Variants in PLCG2 observed in about 807,000 individuals in gnomAD.
The protein encoded by PLCG2 is phospholipase C gamma 2, also known as 1-phosphatidylinositol 4,5-bisphosphate phosphodiesterase gamma-2.
In PLCG2, 69 loss-of-function variants were observed where a neutral mutation model predicts 175.6. That is an observed-to-expected ratio of 0.39 (90% CI 0.32 to 0.48). The LOEUF (loss-of-function observed/expected upper bound fraction) is 0.48. Among genes scored for constraint, PLCG2 ranks in the 20% least tolerant of loss-of-function variants. The probability of loss-of-function intolerance (pLI) is 0.91; values close to 1 mark genes in which losing one functional copy is unlikely to be tolerated. For missense variants in PLCG2, 1,798 were observed against 1,650.9 expected (o/e 1.09, Z -1.54); for synonymous variants, 827 against 624.0 (o/e 1.33, Z -4.85).
intron 11 of PLCG2, among the ~76,000 whole-genome samples, chr16:81,891,795 C>A (rs1202917223): frequency 6.6e-6 from 1 of 152,190 alleles, no homozygotes; most frequent in Non-Finnish European, 1.5e-5. Flanking sequence ...TAATAATAAT[C>A]TCTTTTCTGT....
intron 2 of PLCG2, among the ~76,000 whole-genome samples, chr16:81,817,154 A>G (rs1235765117): frequency 4.6e-5 from 7 of 152,198 alleles, no homozygotes; most frequent in Admixed American, 6.5e-5. Context: ...AAGTCAGCAC[A>G]AGGGACAGGA....
At chr16:81,826,189 C>T (rs567586858) in intron 2 of PLCG2, among the ~76,000 whole-genome samples, 23 of 152,314 alleles carry the variant, frequency 1.5e-4, no homozygotes, top group East Asian at 3.9e-4. Flanking sequence ...GAGTCCTCCT[C>T]GGCCCCTTTG....
At chr16:81,843,052 G>A (rs889863526) in intron 2 of PLCG2, among the ~76,000 whole-genome samples, 1 of 151,900 alleles carries the variant, frequency 6.6e-6, no homozygotes, top group Non-Finnish European at 1.5e-5. Flanking sequence ...GTGGGGTTGT[G>A]CAAAGATGAA....
At chr16:81,848,703 C>G (rs551897355) in intron 2 of PLCG2, among the ~76,000 whole-genome samples, 4 of 152,168 alleles carry the variant, frequency 2.6e-5, no homozygotes, top group African/African-American at 4.8e-5. Flanking sequence ...CCAAGAACTA[C>G]TTATTGGGCC....
chr16:81,754,857 C>A (rs1909889586), intron 1 of PLCG2, among the ~76,000 whole-genome samples: 1 of 152,138 alleles, frequency 6.6e-6, no homozygotes. Flanking sequence ...CTTTAGTTAT[C>A]ATTATTATCT....
chr16:81,885,137 C>T (rs752503018), intron 9 of PLCG2, among the ~76,000 whole-genome samples: 18 of 151,840 alleles, frequency 1.2e-4, no homozygotes, highest in Non-Finnish European at 2.5e-4. Context: ...AGTGATTCTC[C>T]TGCCTCAGCC....
intron 31 of PLCG2, among the ~76,000 whole-genome samples, chr16:81,953,306 G>A (rs1023224546): frequency 2.6e-5 from 4 of 152,114 alleles, no homozygotes; most frequent in Admixed American, 6.5e-5. Context: ...GTATTGCACC[G>A]ATATTAATTT....
intron 2 of PLCG2, among the ~76,000 whole-genome samples, chr16:81,802,366 C>T (rs1324598966): frequency 4.6e-5 from 7 of 151,940 alleles, no homozygotes; most frequent in Non-Finnish European, 1.0e-4. Flanking sequence ...CCCGCCTCGG[C>T]CTCCCAAAGT....
chr16:81,834,591 A>AGCTGCTGCTGCTGCTGCT (rs112113666), intron 2 of PLCG2, among the ~76,000 whole-genome samples: 3,899 of 151,334 alleles, frequency 0.026, 167 homozygotes, highest in African/African-American at 0.07. Context: ...GGATCTGCAG[A>AGCTGCTGCTGCTGCTGCT]GCTGCTGCTG....
chr16:81,782,720 A>G (rs975817918), intron 1 of PLCG2, among the ~76,000 whole-genome samples: 1 of 152,386 alleles, frequency 6.6e-6, no homozygotes, highest in South Asian at 2.1e-4. Context: ...GTGCATGTTA[A>G]GCCAGTACAG....
chr16:81,960,131 A>T lies in PLCG2; in HGVS notation c.*2133A>T, dbSNP rs902362377. The T allele has an allele frequency of 3.2e-5, 7 of 219,986 alleles. No homozygotes were observed. Among genetic ancestry groups the T allele is most frequent in the Non-Finnish European group, 5.5e-5 (6 of 109,826 alleles). 13.6% of individuals were successfully genotyped at this position (219,986 alleles called of 1,614,324 possible). On this transcript the variant is annotated 3_prime_UTR_variant, in exon 33 of 33. Coordinates refer to ENST00000564138, the MANE Select transcript of PLCG2 (RefSeq NM_002661.5). ...CTCCTTCTCCTGGTGCTACAACCGG[A>T]ATCCACCATGAGAGAGTACTTTCTT... is the stretch of plus-strand genomic sequence containing the variant.
chr16:81,848,319 T>C (rs1482709651), intron 2 of PLCG2, among the ~76,000 whole-genome samples: 2 of 152,180 alleles, frequency 1.3e-5, no homozygotes, highest in Non-Finnish European at 2.9e-5. Context: ...AAAGTCCTGG[T>C]TGATGAAGGC....
At chr16:81,914,792 G>A (rs1158743531) in intron 19 of PLCG2, among the ~76,000 whole-genome samples, 2 of 152,152 alleles carry the variant, frequency 1.3e-5, no homozygotes, top group Non-Finnish European at 2.9e-5. Flanking sequence ...TTGGTGGTTG[G>A]TGAATGCTGG....
At chr16:81,874,465 G>C (rs978310697) in intron 7 of PLCG2, among the ~76,000 whole-genome samples, 1 of 152,344 alleles carries the variant, frequency 6.6e-6, no homozygotes, top group South Asian at 2.1e-4. Flanking sequence ...CTTCTGGCCA[G>C]CTCTAAGAAC....
chr16:81,939,954 G>C lies in PLCG2; in HGVS notation c.3376G>C (p.Asp1126His). 6.2e-7 allele frequency: 1 copy of C among 1,613,936 alleles called. No individual in the cohort carries two copies. Among genetic ancestry groups the C allele is most frequent in the Non-Finnish European group, 8.5e-7 (1 of 1,179,800 alleles). Residue 1126 changes from aspartate (D) to histidine (H), a missense_variant, in exon 30 of 33, where the codon GAC becomes CAC. Coordinates refer to ENST00000564138, the MANE Select transcript of PLCG2 (RefSeq NM_002661.5). ...GGAGAAGGTGACATTTGAAATTTAT[G>C]ACCCAAACCTGGCATTTCTGCGCTT... is the stretch of plus-strand genomic sequence containing the variant. ...TQEKVTFEIY[D>H]PNLAFLRFVV...
At chr16:81,860,209 G>T in intron 5 of PLCG2, among the ~76,000 whole-genome samples, 1 of 133,890 alleles carries the variant, frequency 7.5e-6, no homozygotes, top group Non-Finnish European at 1.6e-5. Flanking sequence ...GTCTTACCCA[G>T]ACATTTTTTT....
intron 2 of PLCG2, among the ~76,000 whole-genome samples, chr16:81,810,807 G>T (rs913993812): frequency 3.3e-5 from 5 of 152,026 alleles, no homozygotes; most frequent in Admixed American, 1.3e-4. Flanking sequence ...AAGGAGACAG[G>T]GTCTTTAATT....
At chr16:81,926,898 TA>T (rs1910296709) in intron 22 of PLCG2, among the ~76,000 whole-genome samples, 183 bp from the exon 23 acceptor site, 3 of 152,120 alleles carry the variant, frequency 2.0e-5, no homozygotes, top group Admixed American at 2.0e-4. Context: ...CATTAGTAAT[TA>T]AAAAATAAAA....
Position 81,931,508 on chromosome 16 carries a change from C to G in PLCG2, c.2593C>G (p.Gln865Glu). 1 of 1,613,960 alleles carries G rather than the reference C, an allele frequency of 6.2e-7. No homozygotes were observed. The highest frequency in any genetic ancestry group is 1.1e-5 in the South Asian group (1 of 91,070). ...LNTYNVVKAP[Q>E]GKNQKSFVFI... ...TCTCTTACCCCAAGTGAAAGCCCCT[C>G]AGGGAAAAAACCAGAAGTCCTTTGT... Residue 865 changes from glutamine (Q) to glutamate (E), a missense_variant, in exon 25 of 33, where the codon CAG (glutamine) becomes GAG (glutamate). Coordinates refer to ENST00000564138, the MANE Select transcript of PLCG2 (RefSeq NM_002661.5).
Sources: allele counts gnomAD v4.1 joint callset (sites outside exome capture counted in the v4.1 genomes callset), GRCh38; gene constraint gnomAD v4.1.1; transcripts MANE v1.5; gene names NCBI Gene and HGNC (gene_info 2026-07-23, HGNC 2026-07-21).